Variants in IGF1R observed in about 807,000 individuals in gnomAD.
IGF1R encodes insulin-like growth factor 1 receptor.
Under a neutral mutation model 144.6 loss-of-function variants are expected in IGF1R, and 44 were observed. That is an observed-to-expected ratio of 0.30 (90% CI 0.24 to 0.39). IGF1R has a LOEUF of 0.39. Ranked by LOEUF, IGF1R falls within the 10% of genes least tolerant of loss-of-function variation. The probability of loss-of-function intolerance (pLI) is 1.00; values close to 1 mark genes in which losing one functional copy is unlikely to be tolerated. For missense variants in IGF1R, 1,355 were observed against 1,833.7 expected, an observed-to-expected ratio of 0.74 and a Z score of 4.77; for synonymous variants, 795 against 722.8, an observed-to-expected ratio of 1.10 and a Z score of -1.60.
chr15:98,675,647 G>C (rs1231499316), intron 1 of IGF1R, among the ~76,000 whole-genome samples: 1 of 152,034 alleles, frequency 6.6e-6, no homozygotes, highest in East Asian at 1.9e-4. Context: ...GGTTAATCAT[G>C]CATATTGATT....
intron 2 of IGF1R, among the ~76,000 whole-genome samples, chr15:98,813,465 T>C (rs1199333938): frequency 6.6e-6 from 1 of 152,204 alleles, no homozygotes; most frequent in Non-Finnish European, 1.5e-5. Context: ...CCTTGTGTGA[T>C]TTATTCCTTC....
intron 1 of IGF1R, among the ~76,000 whole-genome samples, chr15:98,653,312 G>A (rs2052413537): frequency 6.6e-6 from 1 of 152,162 alleles, no homozygotes; most frequent in South Asian, 2.1e-4. Context: ...AGTCTGAAGG[G>A]CTGTTTGTAT....
rs752717839 is a variant in IGF1R, at chr15:98,934,991, C to A, written c.3124C>A (p.Arg1042Ser). The A allele has an allele frequency of 6.2e-7, 1 of 1,614,074 alleles. No individual in the cohort carries two copies. Among genetic ancestry groups the A allele is most frequent in the South Asian group, 1.1e-5 (1 of 91,078 alleles). ...IKTVNEAASM[R>S]ERIEFLNEAS... ...AACAGTGAACGAGGCCGCAAGCATG[C>A]GTGAGAGGATTGAGTTTCTCAACGA... is the stretch of plus-strand genomic sequence containing the variant. The change falls in exon 16 of 21, where the codon CGT (arginine) becomes AGT (serine). Residue 1042 changes from arginine to serine, a missense_variant. Arg to Ser is a moderately radical substitution (Grantham distance 110). Around this residue, in one of 7 missense-constraint regions of IGF1R, gnomAD observed 880 missense variants for 1,202.7 expected, o/e 0.73. Coordinates refer to ENST00000650285, the MANE Select transcript of IGF1R (RefSeq NM_000875.5).
Position 98,916,058 on chromosome 15 carries a change from G to C in IGF1R, c.1923G>C (p.Leu641=), listed in dbSNP as rs529006369. The C allele has an allele frequency of 7.1e-5, 115 of 1,614,168 alleles. No individual in the cohort carries two copies. The South Asian group carries it at 1.3e-3, about 18-fold the overall frequency. ...WNPPSLPNGN[L]SYYIVRWQRQ... The stretch of plus-strand genomic sequence containing the variant: ...CTCCCTCTCTGCCCAACGGCAACCT[G>C]AGTTACTACATTGTGCGCTGGCAGC... Residue 641 remains leucine, a synonymous_variant, in exon 9 of 21, where the codon CTG becomes CTC. Coordinates refer to ENST00000650285, the MANE Select transcript of IGF1R (RefSeq NM_000875.5).
chr15:98,731,457 T>A (rs746293325), intron 2 of IGF1R, among the ~76,000 whole-genome samples: 1 of 152,256 alleles, frequency 6.6e-6, no homozygotes, highest in Non-Finnish European at 1.5e-5. Flanking sequence ...TCCTTGTTTC[T>A]GTCTCTCAGT....
chr15:98,927,916 G>A (rs1476710024), intron 13 of IGF1R, among the ~76,000 whole-genome samples: 1 of 152,134 alleles, frequency 6.6e-6, no homozygotes. Flanking sequence ...GTCCCAGAGA[G>A]GTCTCAGATT....
chr15:98,707,759 G>T lies in IGF1R; in HGVS notation c.292G>T (p.Asp98Tyr), dbSNP rs1460703226. The T allele has an allele frequency of 6.2e-7, 1 of 1,614,150 alleles. No individual in the cohort carries two copies. Residue 98 changes from aspartate to tyrosine, a missense_variant, in exon 2 of 21, where the codon GAC (aspartate) becomes TAC (tyrosine). By Grantham distance (160) the Asp-to-Tyr change is radical. This residue lies in a region of IGF1R where 75 missense variants were observed against 160.0 expected (regional missense o/e 0.47). Transcript: ENST00000650285. This position sits in a 1 kb window ranked among gnomAD's most constrained non-coding sequence, Gnocchi z 6.7. ...AGTGGCTGGCCTCGAGAGCCTCGGA[G>T]ACCTCTTCCCCAACCTCACGGTCAT... is the stretch of plus-strand genomic sequence containing the variant. The part of the protein sequence containing the change: ...FRVAGLESLG[D>Y]LFPNLTVIRG...
At chr15:98,821,145 A>G (rs1448930510) in intron 2 of IGF1R, among the ~76,000 whole-genome samples, 1 of 152,232 alleles carries the variant, frequency 6.6e-6, no homozygotes, top group Non-Finnish European at 1.5e-5. Flanking sequence ...ACAAAAATCA[A>G]GGAGAACTCA....
At chr15:98,914,035 A>T (rs1015592129) in intron 8 of IGF1R, among the ~76,000 whole-genome samples, 2 of 152,366 alleles carry the variant, frequency 1.3e-5, no homozygotes, top group African/African-American at 4.8e-5. Flanking sequence ...GTGCAAGATC[A>T]AGGCGCTGGC....
chr15:98,824,775 A>G (rs1343343494), intron 2 of IGF1R, among the ~76,000 whole-genome samples: 1 of 151,816 alleles, frequency 6.6e-6, no homozygotes, highest in Non-Finnish European at 1.5e-5. Flanking sequence ...TGTAGTCTGC[A>G]GTCACTCTCC....
In IGF1R at chr15:98,664,208, G is replaced by A. The variant is rs62022259; in HGVS notation, c.94+14533G>A. 8.3e-3 allele frequency among the ~76,000 whole-genome samples: 1,259 copies of A among 152,196 alleles called. 3 individuals are homozygous for A. Among genetic ancestry groups the A allele is most frequent in the Middle Eastern group, 0.02 (6 of 294 alleles). The stretch of plus-strand genomic sequence containing the variant: ...GTTTCAGACGGTCTCCGCTTTTCTC[G>A]ACTAGAAAGCAGGCCTTCTCCCTTT... On this transcript the variant is annotated intron_variant, in intron 1 of 20. Transcript: ENST00000650285.
At chr15:98,845,757 T>C (rs1327118024) in intron 2 of IGF1R, among the ~76,000 whole-genome samples, 1 of 151,990 alleles carries the variant, frequency 6.6e-6, no homozygotes, top group Non-Finnish European at 1.5e-5. Context: ...TTACAGTGAT[T>C]AGTGTTCCAA....
intron 2 of IGF1R, among the ~76,000 whole-genome samples, chr15:98,886,628 G>T (rs1191239139): frequency 6.6e-6 from 1 of 152,062 alleles, no homozygotes; most frequent in Non-Finnish European, 1.5e-5. Context: ...TTCCCCCATA[G>T]CGCCGTAATT....
At chr15:98,954,619 C>G (rs2016907223) in intron 20 of IGF1R, among the ~76,000 whole-genome samples, 1 of 152,214 alleles carries the variant, frequency 6.6e-6, no homozygotes, top group Non-Finnish European at 1.5e-5. Context: ...ATGTCACTGC[C>G]TCGCTGCTCT....
intron 2 of IGF1R, among the ~76,000 whole-genome samples, chr15:98,871,406 C>T (rs1027763648): frequency 2.6e-5 from 4 of 152,214 alleles, no homozygotes; most frequent in Admixed American, 2.6e-4. Context: ...AAGGGACTTG[C>T]TTCTTCACCT....
chr15:98,849,890 T>A (rs918112608), intron 2 of IGF1R, among the ~76,000 whole-genome samples: 1 of 152,076 alleles, frequency 6.6e-6, no homozygotes, highest in Non-Finnish European at 1.5e-5. Flanking sequence ...TTGGAAAAAA[T>A]CCAAAATATT....
At position 98,658,504 on chromosome 15, in the gene IGF1R, G is replaced by C. The variant is rs1166939382; in HGVS notation, c.94+8829G>C. Among the ~76,000 whole-genome samples the C allele has an allele frequency of 2.0e-5, 3 of 152,322 alleles. No individual in the cohort carries two copies. In the East Asian group the frequency reaches 5.8e-4, roughly 29 times the overall value. On this transcript the variant is annotated intron_variant, in intron 1 of 20. Coordinates refer to ENST00000650285, the MANE Select transcript of IGF1R (RefSeq NM_000875.5). ...AAACCAAAGTCAGAAAAATTGTGAG[G>C]AAATAGAATAGGTTTTTTAAATTGA...
At chr15:98,719,030 TA>T (rs2054186521) in intron 2 of IGF1R, among the ~76,000 whole-genome samples, 1 of 152,206 alleles carries the variant, frequency 6.6e-6, no homozygotes, top group African/African-American at 2.4e-5. Flanking sequence ...ATGATATTAT[TA>T]GGTGCTTAGA....
At chr15:98,828,931 G>A (rs1283397342) in intron 2 of IGF1R, among the ~76,000 whole-genome samples, 2 of 152,000 alleles carry the variant, frequency 1.3e-5, no homozygotes, top group Admixed American at 6.6e-5. Flanking sequence ...TGAACTTGAT[G>A]CTACGTGAAC....
Sources: gnomAD v4.1 joint callset for allele counts (sites outside exome capture counted in the v4.1 genomes callset) on GRCh38, gnomAD v4.1.1 for gene constraint, gnomAD v4.1.1 regional missense constraint, Gnocchi (gnomAD v3.1) non-coding constraint, MANE v1.5 for transcripts, NCBI Gene and HGNC (gene_info 2026-07-23, HGNC 2026-07-21) for gene names.